PHF24: variants seen among roughly 807,000 people sequenced by gnomAD.
PHF24 encodes the protein PHD finger protein 24, also known as Galpha inhibitory interacting protein.
Under a neutral mutation model 42.6 loss-of-function variants are expected in PHF24, and 25 were observed. The ratio of observed to expected loss-of-function variants is 0.59; its 90% CI spans 0.43 to 0.82. PHF24 has a LOEUF of 0.82. Ranked by LOEUF, PHF24 falls within the 40% of genes least tolerant of loss-of-function variation. PHF24 has a pLI of 0.00. For missense variants in PHF24, 470 were observed against 538.1 expected, an observed-to-expected ratio of 0.87 and a Z score of 1.25; for synonymous variants, 185 against 204.8, an observed-to-expected ratio of 0.90 and a Z score of 0.83.
At chr9:34,928,955 CG>C in the PHF24 span, among the ~76,000 whole-genome samples, 8 of 152,188 alleles carry the variant, frequency 5.3e-5, no homozygotes, top group Non-Finnish European at 1.2e-4. Context: ...ACTTTTGAAT[CG>C]CTTCTAGATA....
At chr9:34,753,799 T>A in the PHF24 span, among the ~76,000 whole-genome samples, 3 of 151,970 alleles carry the variant, frequency 2.0e-5, no homozygotes, top group African/African-American at 7.2e-5. Flanking sequence ...GACACATGGA[T>A]CAATGGAACA....
At chr9:34,805,257 C>T in the PHF24 span, among the ~76,000 whole-genome samples, 1 of 152,168 alleles carries the variant, frequency 6.6e-6, no homozygotes, top group Non-Finnish European at 1.5e-5. Context: ...ATGGCAACTC[C>T]GTTTAACCCT....
the PHF24 span, among the ~76,000 whole-genome samples, chr9:34,749,955 A>AACT: frequency 6.6e-6 from 1 of 152,294 alleles, no homozygotes; most frequent in African/African-American, 2.4e-5. Context: ...GAAGGAAAAA[A>AACT]ACTTTTACCC....
At chr9:34,893,227 G>C in the PHF24 span, 1 of 452,510 alleles carries the variant, frequency 2.2e-6, no homozygotes, top group Admixed American at 3.6e-5. Flanking sequence ...GCCGGGGTTG[G>C]CATTGTCCTT....
the PHF24 span, among the ~76,000 whole-genome samples, chr9:34,703,866 G>A: frequency 3.3e-5 from 5 of 151,768 alleles, 1 homozygote; most frequent in East Asian, 7.8e-4. Context: ...GCACCTGGCC[G>A]ACTGCTTACT....
At chr9:34,759,290 T>C in the PHF24 span, among the ~76,000 whole-genome samples, 4 of 152,210 alleles carry the variant, frequency 2.6e-5, no homozygotes, top group South Asian at 6.2e-4. Flanking sequence ...ACCCAATCCA[T>C]AGAATTGTTC....
intron 4 of PHF24, 99 bp downstream of exon 4, chr9:34,976,329 G>A: frequency 8.9e-7 from 1 of 1,119,980 alleles, no homozygotes; most frequent in Non-Finnish European, 1.3e-6. Context: ...CATATTTAGT[G>A]GGTAGAGGGT....
chr9:34,833,371 C>A, the PHF24 span: 23 of 1,550,816 alleles, frequency 1.5e-5, no homozygotes, highest in Non-Finnish European at 1.9e-5. Flanking sequence ...AATTGGATTG[C>A]TTTTGGTTCT....
At chr9:34,780,306 T>C in the PHF24 span, among the ~76,000 whole-genome samples, 1 of 80,916 alleles carries the variant, frequency 1.2e-5, no homozygotes, top group Non-Finnish European at 3.1e-5. Flanking sequence ...TTCTTTTTTT[T>C]TTTTTTTTTT....
the PHF24 span, among the ~76,000 whole-genome samples, chr9:34,840,814 G>A: frequency 5.9e-5 from 9 of 151,820 alleles, no homozygotes; most frequent in South Asian, 1.0e-3. Context: ...TGAATAGTTC[G>A]TATAATTTTG....
At chr9:34,762,246 G>T in the PHF24 span, among the ~76,000 whole-genome samples, 1 of 150,716 alleles carries the variant, frequency 6.6e-6, no homozygotes, top group South Asian at 2.1e-4. Context: ...GGTATTTCCA[G>T]TTCTAGATCC....
chr9:34,723,301 G>C, the PHF24 span: 1 of 1,551,688 alleles, frequency 6.4e-7, no homozygotes, highest in Non-Finnish European at 8.7e-7. Flanking sequence ...GGCGGGGGTA[G>C]CCCAGGGCTG....
the PHF24 span, chr9:34,689,518 A>G: frequency 8.7e-6 from 3 of 344,432 alleles, no homozygotes; most frequent in East Asian, 9.3e-5. This position sits in a 1 kb window ranked among gnomAD's most constrained non-coding sequence, Gnocchi z 4.1. Flanking sequence ...AAGGCTAGTT[A>G]AGCAGTAGGA....
chr9:34,936,734 T>A, the PHF24 span, among the ~76,000 whole-genome samples: 2 of 132,478 alleles, frequency 1.5e-5, no homozygotes, highest in African/African-American at 3.0e-5. Flanking sequence ...CCGTCTGGGA[T>A]GTGAGGAGCA....
chr9:34,689,618 G>A, the PHF24 span: 1 of 596,810 alleles, frequency 1.7e-6, no homozygotes, highest in Non-Finnish European at 3.0e-6. This position sits in a 1 kb window ranked among gnomAD's most constrained non-coding sequence, Gnocchi z 4.1. Flanking sequence ...CAATCTGGGG[G>A]TGGAGCAGCT....
At chr9:34,805,050 A>G in the PHF24 span, among the ~76,000 whole-genome samples, 1 of 152,156 alleles carries the variant, frequency 6.6e-6, no homozygotes, top group Admixed American at 6.5e-5. Context: ...CATTCTTTTT[A>G]ATGGCTGAAT....
At chr9:34,716,200 T>C in the PHF24 span, among the ~76,000 whole-genome samples, 2 of 152,124 alleles carry the variant, frequency 1.3e-5, no homozygotes, top group Non-Finnish European at 2.9e-5. Flanking sequence ...GTGTGCAAAA[T>C]GTGTGTGTCT....
At chr9:34,677,900 T>G in the PHF24 span, among the ~76,000 whole-genome samples, 1 of 152,140 alleles carries the variant, frequency 6.6e-6, no homozygotes, top group Non-Finnish European at 1.5e-5. Context: ...ATGGCTGGCT[T>G]CTTCTCTTTT....
chr9:34,925,118 C>G, the PHF24 span, among the ~76,000 whole-genome samples: 3 of 152,052 alleles, frequency 2.0e-5, no homozygotes, highest in African/African-American at 7.2e-5. Flanking sequence ...AATAGCTTTG[C>G]TGGCTATAAT....
Sources: allele counts gnomAD v4.1 joint callset (sites outside exome capture counted in the v4.1 genomes callset), GRCh38; gene constraint gnomAD v4.1.1; non-coding constraint Gnocchi (gnomAD v3.1); transcripts MANE v1.5; gene names NCBI Gene and HGNC (gene_info 2026-07-23, HGNC 2026-07-21).